MID1: variants seen among roughly 807,000 people sequenced by gnomAD.
The protein encoded by MID1 is E3 ubiquitin-protein ligase Midline-1.
A neutral mutation model predicts 40.4 loss-of-function variants in MID1; 7 were observed. The observed-to-expected ratio is 0.17, with a 90% CI of 0.10 to 0.33. The LOEUF (loss-of-function observed/expected upper bound fraction) is 0.33, where lower values mean the gene tolerates loss of function less well. Among genes scored for constraint, MID1 ranks in the 10% least tolerant of loss-of-function variants. MID1 has a pLI of 1.00. For synonymous variants in MID1, 229 were observed against 221.2 expected, an observed-to-expected ratio of 1.04 and a Z score of -0.31; for missense variants, 367 against 558.5, an observed-to-expected ratio of 0.66 and a Z score of 3.46.
At position 10,504,559 on chromosome X, in the gene MID1, T is replaced by C. The variant is rs772122804; in HGVS notation, c.757-8868A>G. Among the ~76,000 whole-genome samples, 4 of 112,080 alleles carry C rather than the reference T, an allele frequency of 3.6e-5. No individual in the cohort carries two copies. The East Asian group carries it at 1.1e-3, about 31-fold the overall frequency. ...CTGTGCTGGTTACCTGAGGACTTTC[T>C]AGCATGAATCAAAACTTTGATGCAT... On this transcript the variant is annotated intron_variant, in intron 3 of 9. Transcript: ENST00000317552.
chrX:10,497,698 C>A (rs978599312), intron 3 of MID1, among the ~76,000 whole-genome samples: 1 of 111,746 alleles, frequency 8.9e-6, no homozygotes, highest in Non-Finnish European at 1.9e-5. Context: ...GTTTTTACAG[C>A]TTTAACTACT....
At position 10,465,206 on chromosome X, in the gene MID1, TATATATATACAC is replaced by T. The variant is rs1189502924; in HGVS notation, c.1285+4479_1285+4490del. Among the ~76,000 whole-genome samples the T allele has an allele frequency of 1.7e-3, 115 of 68,690 alleles. 2 individuals are homozygous for T. Among genetic ancestry groups the T allele is most frequent in the African/African-American group, 7.4e-3 (103 of 13,932 alleles). The allele number at this position is 68,690 out of a possible 115,157, so 59.6% of individuals were successfully genotyped here. On this transcript the variant is annotated intron_variant, in intron 7 of 9. Coordinates refer to ENST00000317552, the MANE Select transcript of MID1 (RefSeq NM_000381.4). ...GAAATTTTATATATATATATATATATATATATATACACACACACACACACACACACACACACA... is the reference window on the plus strand; with the variant it reads ...GAAATTTTATATATATATATATATATACACACACACACACACACACACACA...
At chrX:10,536,445 C>A (rs752667884) in intron 2 of MID1, among the ~76,000 whole-genome samples, 2 of 112,878 alleles carry the variant, frequency 1.8e-5, no homozygotes, top group Non-Finnish European at 3.7e-5. Flanking sequence ...AGTGAACTAG[C>A]TCTCAGTTCC....
At chrX:10,729,277 C>T (rs181591187) in intron 1 of MID1, among the ~76,000 whole-genome samples, 8 of 111,996 alleles carry the variant, frequency 7.1e-5, no homozygotes, top group Non-Finnish European at 1.5e-4. Flanking sequence ...CTCTCTTTGT[C>T]CTGCTAAAGC....
chrX:10,533,323 GAAAGGAAAGAAA>G (rs1933056702), intron 2 of MID1, among the ~76,000 whole-genome samples: 2 of 62,275 alleles, frequency 3.2e-5, no homozygotes, highest in African/African-American at 6.4e-5. Flanking sequence ...AAGAAAGAAA[GAAAGGAAAGAAA>G]GAAAGAAAGA....
At chrX:10,699,976 C>T (rs1231620536) in intron 1 of MID1, among the ~76,000 whole-genome samples, 6 of 109,512 alleles carry the variant, frequency 5.5e-5, no homozygotes, top group Non-Finnish European at 9.5e-5. Flanking sequence ...ACATGTGCCA[C>T]CACGCCCGGC....
At chrX:10,560,474 A>G (rs1934291201) in intron 2 of MID1, among the ~76,000 whole-genome samples, 1 of 111,141 alleles carries the variant, frequency 9.0e-6, no homozygotes, top group Admixed American at 9.6e-5. Flanking sequence ...AGAAAACCCC[A>G]TCATCTCGGC....
chrX:10,730,871 G>A (rs1450388575), intron 1 of MID1, among the ~76,000 whole-genome samples: 1 of 111,392 alleles, frequency 9.0e-6, no homozygotes, highest in African/African-American at 3.3e-5. Flanking sequence ...ACTGCGCCCG[G>A]CAAGATCAGA....
At chrX:10,688,023 C>T (rs917659136) in intron 1 of MID1, among the ~76,000 whole-genome samples, 4 of 111,405 alleles carry the variant, frequency 3.6e-5, no homozygotes, top group African/African-American at 9.8e-5. Context: ...CCAGCCAATG[C>T]CAATATATTT....
chrX:10,829,759 A>T (rs1437923610), intron 1 of MID1, among the ~76,000 whole-genome samples: 3 of 111,979 alleles, frequency 2.7e-5, no homozygotes, highest in Non-Finnish European at 5.6e-5. Context: ...GTACTTGGAA[A>T]ATCCTACTGG....
intron 7 of MID1, 75 bp downstream of exon 7, chrX:10,469,622 A>C (rs763467697): frequency 2.5e-6 from 3 of 1,210,582 alleles, no homozygotes; most frequent in South Asian, 3.5e-5. Flanking sequence ...CTTCCTTTGA[A>C]GTTTAAATTC....
In MID1 at chrX:10,826,090, C is replaced by T. The variant is rs1336846580; in HGVS notation, c.-187+7464G>A. Among the ~76,000 whole-genome samples the T allele has an allele frequency of 5.4e-5, 6 of 111,071 alleles. No individual in the cohort carries two copies. The Admixed American group carries it at 5.8e-4, about 11-fold the overall frequency. On this transcript the variant is annotated intron_variant, in intron 1 of 10. Coordinates refer to the MID1 transcript ENST00000380785. ...ATGACTTTCCACCTCAAAGCTCATG[C>T]ATTTTTCCACTCAATCAGGTTACTC... is the stretch of plus-strand genomic sequence containing the variant.
chrX:10,636,649 G>A (rs1465990327), intron 1 of MID1, among the ~76,000 whole-genome samples: 1 of 107,010 alleles, frequency 9.3e-6, no homozygotes, highest in Non-Finnish European at 1.9e-5. Context: ...TGCAAAGGAA[G>A]TTACTATTTA....
intron 1 of MID1, among the ~76,000 whole-genome samples, chrX:10,776,150 T>G (rs1307808605): frequency 3.6e-5 from 4 of 112,357 alleles, no homozygotes; most frequent in South Asian, 7.4e-4. Flanking sequence ...TAGCAGTTTG[T>G]GCCTTTTTGT....
intron 9 of MID1, among the ~76,000 whole-genome samples, chrX:10,450,408 C>T (rs778651522): frequency 6.2e-5 from 7 of 112,583 alleles, no homozygotes; most frequent in Non-Finnish European, 1.1e-4. Context: ...CCAATTTTCT[C>T]ATGTATATTG....
chrX:10,747,643 A>C (rs777351508), intron 1 of MID1, among the ~76,000 whole-genome samples: 8 of 112,334 alleles, frequency 7.1e-5, no homozygotes, highest in African/African-American at 1.9e-4. Context: ...CTGCAGACAT[A>C]ACTTTCCATT....
Position 10,566,985 on chromosome X carries a change from A to G in MID1, c.563T>C (p.Val188Ala), listed in dbSNP as rs2147468711. Residue 188 changes from valine to alanine, a missense_variant, in exon 2 of 10, where the codon GTG becomes GCG. Val to Ala is a moderately conservative substitution (Grantham distance 64). Transcript: ENST00000317552. ...HEDEKVNMYC[V>A]TDDQLICALC... The stretch of plus-strand genomic sequence containing the variant: ...GGCACAGATTAACTGGTCATCGGTC[A>G]CACAGTACATATTCACCTTCTCATC... The G allele has an allele frequency of 2.5e-6, 3 of 1,211,806 alleles. No homozygotes were observed. Among genetic ancestry groups the G allele is most frequent in the East Asian group, 5.9e-5 (2 of 33,832 alleles).
intron 2 of MID1, among the ~76,000 whole-genome samples, chrX:10,531,106 C>T (rs1932954695): frequency 9.0e-6 from 1 of 111,172 alleles, no homozygotes; most frequent in Non-Finnish European, 1.9e-5. Context: ...GTATTCGGAG[C>T]CCTGGCACCC....
intron 1 of MID1, among the ~76,000 whole-genome samples, chrX:10,720,993 A>C (rs1011578147): frequency 1.9e-5 from 2 of 106,503 alleles, no homozygotes; most frequent in Admixed American, 2.0e-4. Flanking sequence ...GTGGGAATTG[A>C]ACAATGAGAA....
Sources: gnomAD v4.1 joint callset for allele counts (sites outside exome capture counted in the v4.1 genomes callset) on GRCh38, gnomAD v4.1.1 for gene constraint, MANE v1.5 for transcripts, NCBI Gene and HGNC (gene_info 2026-07-23, HGNC 2026-07-21) for gene names.